PRR14L: variants seen among roughly 807,000 people sequenced by gnomAD.
PRR14L encodes protein PRR14L.
Under a neutral mutation model 155.0 loss-of-function variants are expected in PRR14L, and 80 were observed. The ratio of observed to expected loss-of-function variants is 0.52; its 90% CI spans 0.43 to 0.62. The LOEUF (loss-of-function observed/expected upper bound fraction) is 0.62, where lower values mean the gene tolerates loss of function less well. Ranked by LOEUF, PRR14L falls within the 20% of genes least tolerant of loss-of-function variation. The pLI, the probability that PRR14L is intolerant of heterozygous loss-of-function variation, is 0.00. For missense variants in PRR14L, 2,469 were observed against 2,548.0 expected, an observed-to-expected ratio of 0.97 and a Z score of 0.67; for synonymous variants, 883 against 916.0, an observed-to-expected ratio of 0.96 and a Z score of 0.65.
Position 31,682,737 on chromosome 22 carries a change from C to T in PRR14L, c.*2790G>A, listed in dbSNP as rs2074460960. On this transcript the variant is annotated 3_prime_UTR_variant, in exon 9 of 9. Coordinates refer to ENST00000327423, the MANE Select transcript of PRR14L (RefSeq NM_173566.3). Reference sequence around the variant, plus strand: ...TGATAGTTGAGTAAGCTGTAGTTAACTGTAACTTCCCACCACTTGGGGAGG... The same window carrying T: ...TGATAGTTGAGTAAGCTGTAGTTAATTGTAACTTCCCACCACTTGGGGAGG... The T allele has an allele frequency of 6.6e-6, 1 of 152,172 alleles. No homozygotes were observed. 9.4% of individuals were successfully genotyped at this position (152,172 alleles called of 1,614,324 possible).
chr22:31,685,901 A>C (rs2074479815), intron 8 of PRR14L, 98 bp from the exon 9 acceptor site: 4 of 1,099,450 alleles, frequency 3.6e-6, no homozygotes, highest in Non-Finnish European at 5.2e-6. Flanking sequence ...CAACCCTTCT[A>C]GTCAACAGGG....
rs185627116 is a variant in PRR14L at position 31,700,967 on chromosome 22, C to A, written c.6107+689G>T. Among the ~76,000 whole-genome samples the A allele has an allele frequency of 1.7e-3, 261 of 151,256 alleles. 1 individual carries two copies. Among genetic ancestry groups the A allele is most frequent in the Non-Finnish European group, 3.1e-4 (21 of 67,840 alleles). Reference sequence around the variant, plus strand: ...TAAGAAATGGAGAAGCAAAATCGATCAGAAGAAAATATAAGTTTGGCGATT... The same window carrying A: ...TAAGAAATGGAGAAGCAAAATCGATAAGAAGAAAATATAAGTTTGGCGATT... On this transcript the variant is annotated intron_variant, in intron 7 of 8. Transcript: ENST00000327423.
At chr22:31,743,542 T>A (rs935703572) in intron 1 of PRR14L, among the ~76,000 whole-genome samples, 1 of 152,026 alleles carries the variant, frequency 6.6e-6, no homozygotes, top group Non-Finnish European at 1.5e-5. Context: ...GGCTCAAGCC[T>A]GTAATCTCAG....
chr22:31,710,997 T>C (rs1253490030), intron 4 of PRR14L, among the ~76,000 whole-genome samples: 1 of 152,238 alleles, frequency 6.6e-6, no homozygotes, highest in Non-Finnish European at 1.5e-5. Flanking sequence ...TATCTGGTGA[T>C]ACCTGTGTAA....
chr22:31,708,769 G>A (rs1178576943), intron 4 of PRR14L, among the ~76,000 whole-genome samples: 1 of 152,152 alleles, frequency 6.6e-6, no homozygotes. Context: ...GGGATTATGG[G>A]CATGCACCAC....
At chr22:31,749,438 G>T (rs1040009949) in intron 1 of PRR14L, among the ~76,000 whole-genome samples, 1 of 152,154 alleles carries the variant, frequency 6.6e-6, no homozygotes, top group African/African-American at 2.4e-5. Context: ...TGGGGTACAG[G>T]CGAAAAATAA....
At chr22:31,738,959 T>C (rs1569500926) in intron 1 of PRR14L, 48 bp from the exon 2 acceptor site, 5 of 817,512 alleles carry the variant, frequency 6.1e-6, no homozygotes, top group South Asian at 5.6e-5. Context: ...CTTGATAGGT[T>C]AGAAGAAGGC....
At chr22:31,740,362 G>A (rs1183546939) in intron 1 of PRR14L, among the ~76,000 whole-genome samples, 1 of 152,186 alleles carries the variant, frequency 6.6e-6, no homozygotes, top group Non-Finnish European at 1.5e-5. Flanking sequence ...TGGGACTACA[G>A]GCGTGTGCCA....
chr22:31,734,534 A>C (rs917855648), intron 2 of PRR14L, among the ~76,000 whole-genome samples: 1 of 152,148 alleles, frequency 6.6e-6, no homozygotes, highest in Non-Finnish European at 1.5e-5. Context: ...CAGTGTTCAG[A>C]TTTCCAAAGG....
At chr22:31,746,015 CA>C (rs1244421225) in intron 1 of PRR14L, among the ~76,000 whole-genome samples, 2 of 151,740 alleles carry the variant, frequency 1.3e-5, no homozygotes, top group Non-Finnish European at 2.9e-5. Flanking sequence ...TCTATAACTT[CA>C]AACTCTGGAC....
chr22:31,727,997 A>G (rs923615220), intron 2 of PRR14L, among the ~76,000 whole-genome samples: 1 of 151,934 alleles, frequency 6.6e-6, no homozygotes, highest in Non-Finnish European at 1.5e-5. Flanking sequence ...AAAAAAAAGA[A>G]AAGAAATTGA....
chr22:31,738,796 T>C lies in PRR14L; in HGVS notation c.65A>G (p.Gln22Arg). 1 of 1,551,056 alleles carries C rather than the reference T, an allele frequency of 6.4e-7. No individual in the cohort carries two copies. Among genetic ancestry groups the C allele is most frequent in the Non-Finnish European group, 8.7e-7 (1 of 1,147,090 alleles). The change falls in exon 2 of 9, where the codon CAG (glutamine) becomes CGG (arginine). Residue 22 changes from glutamine (Q) to arginine (R), a missense_variant. Around this residue, in one of 2 missense-constraint regions of PRR14L, gnomAD observed 2,363 missense variants for 2,371.6 expected, o/e 1.00. Transcript: ENST00000327423. ...TACTGGGAGTTCAGAGTATAATTCC[T>C]GTACCACGGCAGACATGGAGGAATC... ...PLDSSMSAVV[Q>R]ELYSELPVSV... is the part of the protein sequence containing the mutation.
chr22:31,691,667 G>C (rs1398620895), intron 7 of PRR14L, among the ~76,000 whole-genome samples: 2 of 152,154 alleles, frequency 1.3e-5, no homozygotes, highest in Non-Finnish European at 2.9e-5. Context: ...TATAGAATGT[G>C]CTGTTTTCAT....
intron 2 of PRR14L, among the ~76,000 whole-genome samples, chr22:31,735,256 G>A (rs1182286260): frequency 6.6e-6 from 1 of 152,058 alleles, no homozygotes; most frequent in Admixed American, 6.5e-5. Flanking sequence ...TGGCTAACAC[G>A]GTGAAACCCC....
Position 31,716,605 on chromosome 22 carries a change from G to A in PRR14L, c.1234C>T (p.Pro412Ser). Residue 412 changes from proline (P) to serine (S), a missense_variant, in exon 4 of 9, where the codon CCT (proline) becomes TCT (serine). Physicochemically the swap from Pro to Ser is moderately conservative, Grantham distance 74. Around this residue, in one of 2 missense-constraint regions of PRR14L, gnomAD observed 2,363 missense variants for 2,371.6 expected, o/e 1.00. Transcript: ENST00000327423. Reference sequence around the variant, plus strand: ...GGTTCCCTGGCATTAAAAAGAAAAGGTCCACCTCTTTCACTCCTAGGAATC... The same window carrying A: ...GGTTCCCTGGCATTAAAAAGAAAAGATCCACCTCTTTCACTCCTAGGAATC... ...LLIPRSERGGPFLFNAREPEK... is the reference protein window; with the variant it reads ...LLIPRSERGGSFLFNAREPEK... 1 of 1,551,446 alleles carries A rather than the reference G, an allele frequency of 6.4e-7. No individual in the cohort carries two copies. Among genetic ancestry groups the A allele is most frequent in the Non-Finnish European group, 8.7e-7 (1 of 1,146,932 alleles).
chr22:31,714,599 A>G lies in PRR14L; in HGVS notation c.3240T>C (p.Gly1080=). ...DVKASNLLDC[G]ARQEKLAFQE... ...GAAATGCCAGTTTCTCTTGCCTTGC[A>G]CCACAATCCAGTAGATTAGATGCCT... The change falls in exon 4 of 9, where the codon GGT becomes GGC. Residue 1080 remains glycine (G), a synonymous_variant. Coordinates refer to ENST00000327423, the MANE Select transcript of PRR14L (RefSeq NM_173566.3). 1.9e-6 allele frequency: 3 copies of G among 1,551,916 alleles called. No homozygotes were observed. The highest frequency in any genetic ancestry group is 2.6e-6 in the Non-Finnish European group (3 of 1,147,060).
At chr22:31,695,924 T>A (rs1569497374) in intron 7 of PRR14L, among the ~76,000 whole-genome samples, 1 of 152,144 alleles carries the variant, frequency 6.6e-6, no homozygotes, top group East Asian at 1.9e-4. Flanking sequence ...TATAATAAAC[T>A]TCCCCTGTCT....
intron 7 of PRR14L, among the ~76,000 whole-genome samples, chr22:31,689,074 T>A (rs1272352417): frequency 2.0e-5 from 3 of 152,222 alleles, no homozygotes; most frequent in Non-Finnish European, 2.9e-5. Context: ...TGGCCAATGG[T>A]TTTAAATTTT....
rs566580514 is a variant in PRR14L at position 31,739,304 on chromosome 22, T to A, written c.-51-393A>T. ...CTTACCTTTTTTGTTCACTGCCATATCCCCATGCTATCCCATAGTACGTAC... is the reference window on the plus strand; with the variant it reads ...CTTACCTTTTTTGTTCACTGCCATAACCCCATGCTATCCCATAGTACGTAC... On this transcript the variant is annotated intron_variant, in intron 1 of 8. Coordinates refer to ENST00000327423, the MANE Select transcript of PRR14L (RefSeq NM_173566.3). Among the ~76,000 whole-genome samples the A allele has an allele frequency of 2.6e-5, 4 of 152,340 alleles. No individual in the cohort carries two copies. The East Asian group carries it at 7.7e-4, about 29-fold the overall frequency.
Sources: allele counts gnomAD v4.1 joint callset (sites outside exome capture counted in the v4.1 genomes callset), GRCh38; gene constraint gnomAD v4.1.1; regional missense constraint gnomAD v4.1.1; transcripts MANE v1.5; gene names NCBI Gene and HGNC (gene_info 2026-07-23, HGNC 2026-07-21).